The following KAZN variants were observed in gnomAD, a reference collection of about 807,000 sequenced individuals.
The protein encoded by KAZN is kazrin.
KAZN carries 40 observed loss-of-function variants against 87.4 expected under a neutral mutation model. The ratio of observed to expected loss-of-function variants is 0.46; its 90% CI spans 0.36 to 0.60. The LOEUF (loss-of-function observed/expected upper bound fraction) is 0.60. Among genes scored for constraint, KAZN ranks in the 20% least tolerant of loss-of-function variants. The probability of loss-of-function intolerance (pLI) is 0.00; values close to 1 mark genes in which losing one functional copy is unlikely to be tolerated. For missense variants in KAZN, 898 were observed against 1,073.9 expected, an observed-to-expected ratio of 0.84 and a Z score of 2.29; for synonymous variants, 466 against 458.3, an observed-to-expected ratio of 1.02 and a Z score of -0.22.
intron 2 of KAZN, among the ~76,000 whole-genome samples, chr1:14,983,608 T>A (rs1666484953): frequency 6.6e-6 from 1 of 152,156 alleles, no homozygotes; most frequent in Non-Finnish European, 1.5e-5. Context: ...TGCACAAATA[T>A]GAAACAAGTC....
At chr1:14,530,893 C>T (rs1391843332) in intron 2 of KAZN, among the ~76,000 whole-genome samples, 2 of 152,078 alleles carry the variant, frequency 1.3e-5, no homozygotes, top group South Asian at 2.1e-4. Flanking sequence ...GAGACTTGGG[C>T]AACATGGCGA....
At chr1:14,791,182 C>A (rs1034106965) in intron 1 of KAZN, among the ~76,000 whole-genome samples, 1 of 152,208 alleles carries the variant, frequency 6.6e-6, no homozygotes, top group Non-Finnish European at 1.5e-5. Flanking sequence ...TGTCCCTTCA[C>A]CCTTAATCTG....
At chr1:14,720,219 G>A (rs1030991479) in intron 1 of KAZN, among the ~76,000 whole-genome samples, 7 of 152,222 alleles carry the variant, frequency 4.6e-5, no homozygotes, top group Non-Finnish European at 1.0e-4. Flanking sequence ...CCTACTTGGT[G>A]CAGCTTTAAC....
intron 1 of KAZN, among the ~76,000 whole-genome samples, chr1:14,140,788 C>T (rs1371742809): frequency 6.6e-6 from 1 of 152,076 alleles, no homozygotes; most frequent in Non-Finnish European, 1.5e-5. Context: ...ATAACGACTT[C>T]TAAGGACAAG....
At chr1:13,954,744 GC>G (rs1384844878) in intron 1 of KAZN, among the ~76,000 whole-genome samples, 1 of 152,160 alleles carries the variant, frequency 6.6e-6, no homozygotes, top group African/African-American at 2.4e-5. Context: ...CCATGCAATT[GC>G]CCATAATTTA....
At chr1:14,366,437 T>C (rs7537728) in intron 2 of KAZN, among the ~76,000 whole-genome samples, 1 of 152,156 alleles carries the variant, frequency 6.6e-6, no homozygotes, top group South Asian at 2.1e-4. Context: ...TCAAGAAAAG[T>C]ATCATAGCTG....
chr1:14,446,632 A>G (rs1405818130), intron 2 of KAZN, among the ~76,000 whole-genome samples: 2 of 152,054 alleles, frequency 1.3e-5, no homozygotes, highest in Non-Finnish European at 2.9e-5. Flanking sequence ...TTCCCCATCC[A>G]ACGTATTCAA....
At chr1:14,306,897 T>C (rs1282597083) in intron 2 of KAZN, among the ~76,000 whole-genome samples, 1 of 152,166 alleles carries the variant, frequency 6.6e-6, no homozygotes, top group Non-Finnish European at 1.5e-5. Flanking sequence ...GGCATTTGGC[T>C]CCTATCAGAG....
intron 2 of KAZN, among the ~76,000 whole-genome samples, chr1:14,540,395 C>A (rs1290805614): frequency 6.6e-6 from 1 of 152,136 alleles, no homozygotes. Flanking sequence ...TGAGGCCCCG[C>A]GGGGTTAAGC....
intron 2 of KAZN, among the ~76,000 whole-genome samples, chr1:14,528,286 C>T (rs971578122): frequency 5.5e-5 from 7 of 127,200 alleles, no homozygotes; most frequent in East Asian, 2.3e-4. Context: ...TGCAGTGAGC[C>T]GAGATCATGC....
At chr1:14,555,331 A>C (rs1388310575) in intron 2 of KAZN, among the ~76,000 whole-genome samples, 1 of 152,194 alleles carries the variant, frequency 6.6e-6, no homozygotes, top group African/African-American at 2.4e-5. Context: ...AATAGGCAAA[A>C]GGGACATTTA....
intron 1 of KAZN, among the ~76,000 whole-genome samples, chr1:14,927,721 C>A (rs1300948512): frequency 6.6e-6 from 1 of 152,210 alleles, no homozygotes. Flanking sequence ...TTTCTCTTAA[C>A]CCCGAGCTCA....
At chr1:15,038,728 C>T (rs1278639863) in intron 3 of KAZN, among the ~76,000 whole-genome samples, 3 of 151,972 alleles carry the variant, frequency 2.0e-5, no homozygotes, top group African/African-American at 7.3e-5. Context: ...AAGGCATGAC[C>T]GTGACAGTAC....
intron 1 of KAZN, among the ~76,000 whole-genome samples, chr1:14,082,727 T>C (rs1643726719): frequency 6.6e-6 from 1 of 152,224 alleles, no homozygotes; most frequent in Non-Finnish European, 1.5e-5. Flanking sequence ...TTTCTTGTGC[T>C]TTCCTAGCTG....
At chr1:13,944,356 G>A (rs10927962) in intron 1 of KAZN, among the ~76,000 whole-genome samples, 21,112 of 152,196 alleles carry the variant, frequency 0.14, 1,558 homozygotes, top group Middle Eastern at 0.22. Context: ...ATTAGTGGTT[G>A]CCTAGGTCTA....
intron 1 of KAZN, among the ~76,000 whole-genome samples, chr1:14,862,074 C>A (rs1299192698): frequency 6.6e-6 from 1 of 152,142 alleles, no homozygotes; most frequent in Non-Finnish European, 1.5e-5. Flanking sequence ...ATCCTGACTG[C>A]CTACAGCGCC....
At chr1:14,214,399 G>A (rs945139359) in intron 2 of KAZN, among the ~76,000 whole-genome samples, 3 of 152,100 alleles carry the variant, frequency 2.0e-5, no homozygotes, top group Non-Finnish European at 2.9e-5. Context: ...CTGAAATAAG[G>A]TGTAGTCAAT....
At chr1:13,935,465 G>A (rs1640693582) in intron 1 of KAZN, among the ~76,000 whole-genome samples, 1 of 152,172 alleles carries the variant, frequency 6.6e-6, no homozygotes, top group South Asian at 2.1e-4. Context: ...CTTGACTGCT[G>A]TGCTATGCTG....
At chr1:15,112,227 G>C (rs936082590) in intron 13 of KAZN, 200 bp from the exon 14 acceptor site, 2 of 584,572 alleles carry the variant, frequency 3.4e-6, no homozygotes, top group Non-Finnish European at 3.1e-6. Context: ...GCAGTCCCAA[G>C]CCCCAGGCAT....
Sources: gnomAD v4.1 joint callset for allele counts (sites outside exome capture counted in the v4.1 genomes callset) on GRCh38, gnomAD v4.1.1 for gene constraint, MANE v1.5 for transcripts, NCBI Gene and HGNC (gene_info 2026-07-23, HGNC 2026-07-21) for gene names.